The following ENPEP variants were observed in gnomAD, a reference collection of about 807,000 sequenced individuals.
The protein encoded by ENPEP is AP-A.
In ENPEP, 103 loss-of-function variants were observed where a neutral mutation model predicts 114.5. The ratio of observed to expected loss-of-function variants is 0.90; its 90% confidence interval spans 0.77 to 1.06. The LOEUF is 1.06. Ranked by LOEUF, ENPEP falls within the 50% of genes least tolerant of loss-of-function variation. ENPEP has a pLI of 0.00. For missense variants in ENPEP, 1,196 were observed against 1,161.3 expected (o/e 1.03, Z -0.43); for synonymous variants, 420 against 422.0 (o/e 1.00, Z 0.06).
chr4:110,553,233 A>G lies in ENPEP; in HGVS notation c.2502-82A>G, dbSNP rs888062176. On this transcript the variant is annotated intron_variant, in intron 17 of 19. Transcript: ENST00000265162. ...CCTCAAGAATTGAATTGCTGGCATG[A>G]AAACTATTTTGTATTGGAATTTAGC... 99 of 1,287,218 alleles carry G rather than the reference A, an allele frequency of 7.7e-5. 1 individual carries two copies. The Admixed American group carries it at 2.2e-3, about 29-fold the overall frequency. The allele number at this position is 1,287,218 out of a possible 1,614,324, so 79.7% of individuals were successfully genotyped here.
At chr4:110,549,694 G>A in intron 16 of ENPEP, 22 bp from the exon 17 acceptor site, 1 of 1,612,772 alleles carries the variant, frequency 6.2e-7, no homozygotes, top group East Asian at 2.2e-5. Flanking sequence ...TGAAATCTCT[G>A]AAACACTGTT....
At position 110,488,598 on chromosome 4, in the gene ENPEP, TG is replaced by T. The variant is rs1724589007; in HGVS notation, c.703del (p.Asp235MetfsTer48). Reference sequence around the variant, plus strand: ...ATGCCAGGAAATCTTTTCCTTGTTTTGATGAGCCCAACAAAAAGGCAACTTA... The same window carrying T: ...ATGCCAGGAAATCTTTTCCTTGTTTTATGAGCCCAACAAAAAGGCAACTTA... ...TDARKSFPCF[D>X]EPNKKATYTI... is the part of the protein sequence containing the mutation. On this transcript the variant is annotated frameshift_variant, in exon 2 of 20. Transcript: ENST00000265162. LOFTEE classifies it high-confidence loss of function. The T allele has an allele frequency of 6.2e-6, 10 of 1,614,020 alleles. No homozygotes were observed. In the East Asian group the frequency reaches 2.2e-4, roughly 36 times the overall value.
At chr4:110,503,513 C>T (rs1375332330) in intron 3 of ENPEP, among the ~76,000 whole-genome samples, 2 of 152,156 alleles carry the variant, frequency 1.3e-5, no homozygotes, top group Non-Finnish European at 2.9e-5. Context: ...CAATGATCTT[C>T]CTTCCTATCC....
chr4:110,498,059 A>C (rs780253742), intron 3 of ENPEP, among the ~76,000 whole-genome samples: 2 of 152,240 alleles, frequency 1.3e-5, no homozygotes, highest in Non-Finnish European at 2.9e-5. Context: ...AGTATTGATA[A>C]TGAAACAGTT....
At chr4:110,542,291 A>G (rs1726878288) in intron 11 of ENPEP, among the ~76,000 whole-genome samples, 1 of 152,060 alleles carries the variant, frequency 6.6e-6, no homozygotes, top group African/African-American at 2.4e-5. Flanking sequence ...ATTTTAATAA[A>G]CAAAGTATTA....
intron 1 of ENPEP, among the ~76,000 whole-genome samples, chr4:110,482,283 G>A (rs1724338636): frequency 6.6e-6 from 1 of 152,184 alleles, no homozygotes; most frequent in African/African-American, 2.4e-5. Context: ...AAGATTTGAC[G>A]ATTGCTTGAC....
rs139511494 is a variant in ENPEP at position 110,545,957 on chromosome 4, G to T, written c.2001-2219G>T. On this transcript the variant is annotated intron_variant, in intron 13 of 19. Coordinates refer to ENST00000265162, the MANE Select transcript of ENPEP (RefSeq NM_001977.4). ...TCAGGGTGTCAGACACCAAGCCACG[G>T]TGCCTCCAAGTTCCAGGAGACACAG... 7.9e-5 allele frequency among the ~76,000 whole-genome samples: 12 copies of T among 152,078 alleles called. No homozygotes were observed. In the East Asian group the frequency reaches 2.1e-3, roughly 27 times the overall value.
intron 10 of ENPEP, among the ~76,000 whole-genome samples, chr4:110,529,067 A>G (rs1358644770): frequency 4.6e-5 from 7 of 152,180 alleles, no homozygotes; most frequent in African/African-American, 1.7e-4. Context: ...ACCTCAGAGC[A>G]GTATTTTTGT....
chr4:110,504,844 T>C (rs1001340129), intron 3 of ENPEP, among the ~76,000 whole-genome samples: 4 of 152,174 alleles, frequency 2.6e-5, no homozygotes, highest in Non-Finnish European at 5.9e-5. Flanking sequence ...ACACATTGAG[T>C]CTGTCTCCTT....
At chr4:110,477,141 T>A (rs1271712483) in intron 1 of ENPEP, 83 bp downstream of exon 1, 4 of 1,492,458 alleles carry the variant, frequency 2.7e-6, no homozygotes, top group Non-Finnish European at 3.6e-6. Flanking sequence ...ACTTTCCGCT[T>A]TTAATTATTT....
At chr4:110,507,971 T>G (rs943640945) in intron 4 of ENPEP, among the ~76,000 whole-genome samples, 1 of 152,186 alleles carries the variant, frequency 6.6e-6, no homozygotes, top group Admixed American at 6.5e-5. Context: ...CATCTCAATT[T>G]AAAAATATCA....
intron 3 of ENPEP, among the ~76,000 whole-genome samples, chr4:110,502,996 C>T (rs954405780): frequency 9.2e-5 from 14 of 151,988 alleles, no homozygotes; most frequent in African/African-American, 3.1e-4. Context: ...TGTTGGTGTG[C>T]TGCACCCATT....
chr4:110,484,925 G>A (rs966475006), intron 1 of ENPEP, among the ~76,000 whole-genome samples: 34 of 151,818 alleles, frequency 2.2e-4, no homozygotes, highest in Admixed American at 3.9e-4. Context: ...GCGCATGCAC[G>A]CACGCACACT....
In ENPEP at chr4:110,476,871, G is replaced by T; in HGVS notation, c.457G>T (p.Asp153Tyr). The part of the protein sequence containing the change: ...RLPELKRPSG[D>Y]QVQVRRCFEY... ...CCCGGAGCTGAAGAGGCCCTCTGGGGACCAGGTGCAAGTCCGGAGGTGTTT... is the reference window on the plus strand; with the variant it reads ...CCCGGAGCTGAAGAGGCCCTCTGGGTACCAGGTGCAAGTCCGGAGGTGTTT... Residue 153 changes from aspartate to tyrosine, a missense_variant, in exon 1 of 20, where the codon GAC becomes TAC. Physicochemically the swap from Asp to Tyr is radical, Grantham distance 160. Coordinates refer to ENST00000265162, the MANE Select transcript of ENPEP (RefSeq NM_001977.4). 1 of 1,614,122 alleles carries T rather than the reference G, an allele frequency of 6.2e-7. No individual in the cohort carries two copies. The highest frequency in any genetic ancestry group is 2.2e-5 in the East Asian group (1 of 44,862).
In ENPEP at chr4:110,491,040, A is replaced by C; in HGVS notation, c.794A>C (p.Glu265Ala). 1 of 1,606,838 alleles carries C rather than the reference A, an allele frequency of 6.2e-7. No individual in the cohort carries two copies. Among genetic ancestry groups the C allele is most frequent in the South Asian group, 1.1e-5 (1 of 88,958 alleles). The change falls in exon 3 of 20, where the codon GAG becomes GCG. Residue 265 changes from glutamate (E) to alanine (A), a missense_variant. Glu to Ala is a moderately radical substitution (Grantham distance 107). Coordinates refer to ENST00000265162, the MANE Select transcript of ENPEP (RefSeq NM_001977.4). ...ALSNMPVAKE[E>A]SVDDKWTRTT... ...ATCTTTTCTTTTCAATAGAAAGAAGAGTCAGTGGATGATAAATGGACTCGA... is the reference window on the plus strand; with the variant it reads ...ATCTTTTCTTTTCAATAGAAAGAAGCGTCAGTGGATGATAAATGGACTCGA...
Position 110,520,088 on chromosome 4 carries a change from A to G in ENPEP, c.1575+15A>G, listed in dbSNP as rs1417714146. 2 of 1,612,266 alleles carry G rather than the reference A, an allele frequency of 1.2e-6. No homozygotes were observed. Among genetic ancestry groups the G allele is most frequent in the Non-Finnish European group, 1.7e-6 (2 of 1,178,764 alleles). Reference sequence around the variant, plus strand: ...CACTGGAAGAGGTAAGGAAGAGTATATGTCCCCAAATATTTCTTTGTCTGA... The same window carrying G: ...CACTGGAAGAGGTAAGGAAGAGTATGTGTCCCCAAATATTTCTTTGTCTGA... On this transcript the variant is annotated intron_variant, in intron 9 of 19. Transcript: ENST00000265162.
chr4:110,518,242 A>G (rs1725855445), intron 8 of ENPEP, among the ~76,000 whole-genome samples: 1 of 152,248 alleles, frequency 6.6e-6, no homozygotes, highest in Non-Finnish European at 1.5e-5. Flanking sequence ...GGGGACATTC[A>G]TAACAATATG....
rs367777066 is a variant in ENPEP, at chr4:110,549,383, C to T, written c.2189C>T (p.Ser730Phe). Residue 730 changes from serine to phenylalanine, a missense_variant, in exon 15 of 20, where the codon TCT (serine) becomes TTT (phenylalanine). Transcript: ENST00000265162. ...GGTCAAGTGAAGCCTATTGCAGATT[C>T]TCTGGGATGGAATGATGCTGGAGAC... Reference protein sequence around the residue: ...FQGQVKPIADSLGWNDAGDHV... With the variant: ...FQGQVKPIADFLGWNDAGDHV... The T allele has an allele frequency of 2.7e-5, 43 of 1,613,076 alleles. No individual in the cohort carries two copies. Among genetic ancestry groups the T allele is most frequent in the Non-Finnish European group, 3.3e-5 (39 of 1,179,490 alleles).
At chr4:110,535,724 C>T (rs966889040) in intron 11 of ENPEP, among the ~76,000 whole-genome samples, 1 of 152,206 alleles carries the variant, frequency 6.6e-6, no homozygotes, top group East Asian at 1.9e-4. Context: ...CGGTGGCTCA[C>T]GCCTGTAATC....
Sources: allele counts gnomAD v4.1 joint callset (sites outside exome capture counted in the v4.1 genomes callset), GRCh38; gene constraint gnomAD v4.1.1; transcripts MANE v1.5; gene names NCBI Gene and HGNC (gene_info 2026-07-23, HGNC 2026-07-21).